The following SYN2 variants were observed in gnomAD, a reference collection of about 807,000 sequenced individuals.
The protein encoded by SYN2 is synapsin II.
In SYN2, 19 loss-of-function variants were observed where a neutral mutation model predicts 50.9. The ratio of observed to expected loss-of-function variants is 0.37; its 90% CI spans 0.26 to 0.55. SYN2 has a LOEUF of 0.55. Among genes scored for constraint, SYN2 ranks in the 20% least tolerant of loss-of-function variants. The pLI is 0.81. For synonymous variants in SYN2, 255 were observed against 224.9 expected (o/e 1.13, Z -1.20); for missense variants, 587 against 576.4 (o/e 1.02, Z -0.19).
intron 5 of SYN2, chr3:12,156,923 C>G: frequency 6.2e-7 from 1 of 1,613,636 alleles, no homozygotes; most frequent in Non-Finnish European, 8.5e-7. Flanking sequence ...CTTTCTCAAA[C>G]CCTTTGAACA....
chr3:12,187,768 TTGTGTGTG>T (rs35996249), intron 12 of SYN2, among the ~76,000 whole-genome samples, 156 bp downstream of exon 12: 3 of 150,018 alleles, frequency 2.0e-5, no homozygotes, highest in African/African-American at 2.4e-5. Flanking sequence ...TTTTTGGTTT[TTGTGTGTG>T]TGTGTGTGTG....
chr3:12,123,454 CTTAG>C (rs995336184), intron 1 of SYN2, among the ~76,000 whole-genome samples: 11 of 152,158 alleles, frequency 7.2e-5, no homozygotes, highest in Non-Finnish European at 1.0e-4. Context: ...GAATTTTCTA[CTTAG>C]TTAAGCCTTT....
At chr3:12,018,160 C>T (rs1185163618) in intron 1 of SYN2, among the ~76,000 whole-genome samples, 7 of 152,090 alleles carry the variant, frequency 4.6e-5, no homozygotes, top group Non-Finnish European at 1.0e-4. Context: ...TCTATAGGTT[C>T]TGTGGCCTGG....
intron 1 of SYN2, among the ~76,000 whole-genome samples, chr3:12,052,993 T>C (rs1694901350): frequency 6.6e-6 from 1 of 152,182 alleles, no homozygotes; most frequent in Non-Finnish European, 1.5e-5. Flanking sequence ...TGTTGTTTCA[T>C]TTTACCTTTA....
chr3:12,125,674 G>C (rs1696653302), intron 1 of SYN2, among the ~76,000 whole-genome samples: 1 of 152,120 alleles, frequency 6.6e-6, no homozygotes. Context: ...AATAGGGGTA[G>C]TATAGCCTGA....
chr3:12,104,272 C>T (rs766770910), intron 1 of SYN2, among the ~76,000 whole-genome samples: 9 of 151,986 alleles, frequency 5.9e-5, no homozygotes, highest in Non-Finnish European at 1.3e-4. Flanking sequence ...GGGACTCAGA[C>T]AAAATATGTG....
intron 7 of SYN2, among the ~76,000 whole-genome samples, chr3:12,163,088 AG>A (rs1697693523): frequency 6.6e-6 from 1 of 151,944 alleles, no homozygotes. Flanking sequence ...AAAAATACAA[AG>A]AAATTAGCCA....
chr3:12,146,644 G>C (rs1697156308), intron 4 of SYN2, among the ~76,000 whole-genome samples: 2 of 152,196 alleles, frequency 1.3e-5, no homozygotes, highest in African/African-American at 4.8e-5. Flanking sequence ...CCCATAGATT[G>C]AGGCTCCTAT....
intron 1 of SYN2, among the ~76,000 whole-genome samples, chr3:12,009,523 G>A (rs1693873101): frequency 6.6e-6 from 1 of 152,126 alleles, no homozygotes; most frequent in South Asian, 2.1e-4. Flanking sequence ...TTTGCCCAAG[G>A]TCAAATGAGA....
At chr3:12,130,498 A>G (rs1696772466) in intron 1 of SYN2, among the ~76,000 whole-genome samples, 2 of 152,130 alleles carry the variant, frequency 1.3e-5, no homozygotes, top group South Asian at 4.1e-4. Flanking sequence ...TTTTTGTTCT[A>G]ATCAGACCTT....
At chr3:12,053,003 A>G (rs1694901430) in intron 1 of SYN2, among the ~76,000 whole-genome samples, 1 of 152,144 alleles carries the variant, frequency 6.6e-6, no homozygotes, top group African/African-American at 2.4e-5. Flanking sequence ...TTTTACCTTT[A>G]CAACAACCCT....
chr3:12,163,559 C>T (rs1353735730), intron 7 of SYN2, among the ~76,000 whole-genome samples: 2 of 152,144 alleles, frequency 1.3e-5, no homozygotes, highest in African/African-American at 4.8e-5. Context: ...CTCTGAGTTC[C>T]TTGTGAACAA....
In SYN2 at chr3:12,097,235, C is replaced by T. The variant is rs192844416; in HGVS notation, c.378-43416C>T. Among the ~76,000 whole-genome samples the T allele has an allele frequency of 2.1e-3, 314 of 152,274 alleles. 1 individual carries two copies. The highest frequency in any genetic ancestry group is 7.1e-3 in the African/African-American group (297 of 41,560). ...ACATGCACACGTATGTTTATTGCGG[C>T]ACTATTCACAATAGCAAAGACTTGG... On this transcript the variant is annotated intron_variant, in intron 1 of 12. Transcript: ENST00000621198.
chr3:12,046,562 TC>T (rs1574907863), intron 1 of SYN2, among the ~76,000 whole-genome samples: 1 of 152,136 alleles, frequency 6.6e-6, no homozygotes, highest in East Asian at 1.9e-4. Flanking sequence ...GATTAGATGT[TC>T]CTTTTGATAT....
chr3:12,176,943 A>G (rs1267334840), intron 10 of SYN2, among the ~76,000 whole-genome samples: 1 of 152,244 alleles, frequency 6.6e-6, no homozygotes, highest in East Asian at 1.9e-4. Context: ...GAGCAGGATG[A>G]GCAGCTTGTA....
chr3:12,062,503 T>G (rs1481780764), intron 1 of SYN2, among the ~76,000 whole-genome samples: 1 of 151,986 alleles, frequency 6.6e-6, no homozygotes, highest in East Asian at 1.9e-4. Flanking sequence ...AACTGATAAG[T>G]TGGACTTTAT....
intron 1 of SYN2, among the ~76,000 whole-genome samples, chr3:12,093,859 A>ATTTT (rs34441908): frequency 3.3e-4 from 48 of 144,124 alleles, no homozygotes; most frequent in South Asian, 2.2e-3. Flanking sequence ...CTGCCCTGCA[A>ATTTT]TTTTTTTTTT....
chr3:12,070,581 A>G lies in SYN2; in HGVS notation c.377+65653A>G, dbSNP rs1695329878. 4 of 1,330,878 alleles carry G rather than the reference A, an allele frequency of 3.0e-6. No individual in the cohort carries two copies. The Admixed American group carries it at 5.4e-5, about 18-fold the overall frequency. The allele number at this position is 1,330,878 out of a possible 1,614,324, so 82.4% of individuals were successfully genotyped here. A position where few individuals can be genotyped will look rare whatever the true frequency, so the allele number is the denominator to read the frequency against. On this transcript the variant is annotated intron_variant, in intron 1 of 12. Transcript: ENST00000621198. ...GGCCCTTGTGAACCCCAAGGCCAAC[A>G]GAGAGAAGATGACCCAGATCATGTT...
At chr3:12,163,191 G>A (rs971425367) in intron 7 of SYN2, among the ~76,000 whole-genome samples, 21 of 142,684 alleles carry the variant, frequency 1.5e-4, no homozygotes, top group Middle Eastern at 4.2e-3. Flanking sequence ...GCAATGAGCC[G>A]AGATCGCGCC....
Sources: gnomAD v4.1 joint callset for allele counts (sites outside exome capture counted in the v4.1 genomes callset) on GRCh38, gnomAD v4.1.1 for gene constraint, MANE v1.5 for transcripts, NCBI Gene and HGNC (gene_info 2026-07-23, HGNC 2026-07-21) for gene names.